Variants in PCDHA4 observed in about 807,000 individuals in gnomAD.
PCDHA4 encodes protocadherin alpha-4.
In PCDHA4, 49 loss-of-function variants were observed where a neutral mutation model predicts 61.4. The observed-to-expected ratio is 0.80, with a 90% confidence interval of 0.63 to 1.01. PCDHA4 has a LOEUF of 1.01. PCDHA4 is among the 50% of genes least tolerant of loss of function. The probability of loss-of-function intolerance (pLI) is 0.00; values close to 1 mark genes in which losing one functional copy is unlikely to be tolerated. For missense variants in PCDHA4, 1,254 were observed against 1,235.8 expected (o/e 1.01, Z -0.22); for synonymous variants, 590 against 550.3 (o/e 1.07, Z -1.01).
intron 1 of PCDHA4, among the ~76,000 whole-genome samples, chr5:140,977,448 C>G (rs1265708365): frequency 6.6e-6 from 1 of 152,212 alleles, no homozygotes; most frequent in African/African-American, 2.4e-5. Flanking sequence ...ATAATGGAAA[C>G]TCCTTTGATT....
chr5:140,841,068 A>G (rs1247313079), intron 1 of PCDHA4: 1 of 487,112 alleles, frequency 2.1e-6, no homozygotes, highest in African/African-American at 1.9e-5. Flanking sequence ...TATGATAAAG[A>G]AATAGAAAGT....
intron 1 of PCDHA4, chr5:140,863,731 A>G (rs1249998987): frequency 1.2e-5 from 3 of 259,294 alleles, no homozygotes; most frequent in Non-Finnish European, 2.3e-5. Context: ...GCGGTAGCTC[A>G]TGCCTATTTG....
At chr5:140,821,973 G>A (rs2150112441) in intron 1 of PCDHA4, 2 of 1,614,176 alleles carry the variant, frequency 1.2e-6, no homozygotes, top group Non-Finnish European at 1.7e-6. Context: ...TCCGGGTGGC[G>A]TCCAAGGGCC....
chr5:140,922,074 CA>C (rs1554200639), intron 1 of PCDHA4, among the ~76,000 whole-genome samples: 1 of 151,892 alleles, frequency 6.6e-6, no homozygotes, highest in Non-Finnish European at 1.5e-5. Flanking sequence ...TCCCACTAAG[CA>C]AAAAGTGGTA....
At chr5:140,887,770 G>A (rs2061571546) in intron 1 of PCDHA4, among the ~76,000 whole-genome samples, 2 of 152,072 alleles carry the variant, frequency 1.3e-5, no homozygotes, top group South Asian at 4.1e-4. Flanking sequence ...ATGTTACAAT[G>A]ACACAGGTCA....
chr5:140,904,955 G>A (rs1272284537), intron 1 of PCDHA4, among the ~76,000 whole-genome samples: 1 of 152,120 alleles, frequency 6.6e-6, no homozygotes, highest in Non-Finnish European at 1.5e-5. Context: ...TTTGTCTGAT[G>A]CAGAATTTGT....
At chr5:141,003,143 ACT>A (rs1162243146) in intron 3 of PCDHA4, among the ~76,000 whole-genome samples, 1 of 152,180 alleles carries the variant, frequency 6.6e-6, no homozygotes, top group East Asian at 1.9e-4. Context: ...CTTGGCAAAG[ACT>A]CTGACCTGAT....
Position 140,858,059 on chromosome 5 carries a change from G to C in PCDHA4, c.2385+48487G>C, listed in dbSNP as rs200045353. 1,846 of 1,597,616 alleles carry C rather than the reference G, an allele frequency of 1.2e-3. 155 individuals carry two copies. The highest frequency in any genetic ancestry group is 1.5e-3 in the Middle Eastern group (9 of 5,984). On this transcript the variant is annotated intron_variant, in intron 1 of 3. Coordinates refer to ENST00000530339, the MANE Select transcript of PCDHA4 (RefSeq NM_018907.4). ...CACTGTGCTTGTGTCGCTTGTGGAG[G>C]GCAGCCAGGCACCCAAGGCCTCGTC...
At chr5:140,870,456 G>A (rs782212198) in intron 1 of PCDHA4, 15 of 1,614,110 alleles carry the variant, frequency 9.3e-6, no homozygotes, top group South Asian at 5.5e-5. Flanking sequence ...ACGACAATGC[G>A]CCTGCGTTCG....
intron 1 of PCDHA4, chr5:140,883,325 A>C: frequency 6.2e-7 from 1 of 1,614,118 alleles, no homozygotes; most frequent in Non-Finnish European, 8.5e-7. Context: ...GGTTACCATC[A>C]CTTCTTTGTC....
intron 1 of PCDHA4, among the ~76,000 whole-genome samples, chr5:140,890,676 C>T (rs1377876863): frequency 3.3e-5 from 5 of 152,164 alleles, no homozygotes; most frequent in African/African-American, 1.2e-4. Flanking sequence ...AACCCTTCCT[C>T]CTTCTGGGAA....
chr5:140,874,334 C>A (rs2153310267), intron 1 of PCDHA4, among the ~76,000 whole-genome samples: 1 of 152,166 alleles, frequency 6.6e-6, no homozygotes, highest in South Asian at 2.1e-4. Context: ...CTGTTTTTTT[C>A]TCTTAAAGCT....
intron 1 of PCDHA4, chr5:140,857,094 T>G (rs781941290): frequency 4.4e-6 from 7 of 1,596,938 alleles, no homozygotes; most frequent in Non-Finnish European, 6.0e-6. Flanking sequence ...TCACCTGAGG[T>G]GATTGTCACT....
intron 1 of PCDHA4, among the ~76,000 whole-genome samples, chr5:140,894,550 T>C (rs943231588): frequency 3.3e-5 from 5 of 151,996 alleles, no homozygotes; most frequent in Non-Finnish European, 5.9e-5. Context: ...TAGTGTTTAC[T>C]TCTGAAAAAA....
chr5:140,991,433 T>G (rs1441155854), intron 3 of PCDHA4, among the ~76,000 whole-genome samples: 1 of 152,194 alleles, frequency 6.6e-6, no homozygotes, highest in Non-Finnish European at 1.5e-5. Context: ...AACCATAAAC[T>G]TCATGGCTTA....
At chr5:140,967,320 A>G in intron 1 of PCDHA4, 6 of 1,609,774 alleles carry the variant, frequency 3.7e-6, no homozygotes, top group Non-Finnish European at 5.1e-6. Context: ...GTACAGACCT[A>G]CGAGCTCAGC....
chr5:140,892,054 T>G (rs1409591142), intron 1 of PCDHA4, among the ~76,000 whole-genome samples: 4 of 152,244 alleles, frequency 2.6e-5, no homozygotes, highest in African/African-American at 7.2e-5. Flanking sequence ...TTTTTCAAAT[T>G]TATTGTTACT....
At chr5:140,862,736 T>C in intron 1 of PCDHA4, 1 of 575,338 alleles carries the variant, frequency 1.7e-6, no homozygotes, top group South Asian at 1.4e-5. Flanking sequence ...TCTAGCTATG[T>C]GTGGGTGCAC....
At chr5:140,960,508 A>C (rs1026528724) in intron 1 of PCDHA4, among the ~76,000 whole-genome samples, 10 of 152,190 alleles carry the variant, frequency 6.6e-5, no homozygotes, top group Non-Finnish European at 1.3e-4. Context: ...TCCAAGCAGC[A>C]AACATAATGG....
Sources: gnomAD v4.1 joint callset for allele counts (sites outside exome capture counted in the v4.1 genomes callset) on GRCh38, gnomAD v4.1.1 for gene constraint, MANE v1.5 for transcripts, NCBI Gene and HGNC (gene_info 2026-07-23, HGNC 2026-07-21) for gene names.